The following SYT17 variants were observed in gnomAD, a reference collection of about 807,000 sequenced individuals.
The protein encoded by SYT17 is synaptotagmin 17.
Under a neutral mutation model 46.7 loss-of-function variants are expected in SYT17, and 22 were observed. That is an observed-to-expected ratio of 0.47 (90% CI 0.34 to 0.67). The LOEUF (loss-of-function observed/expected upper bound fraction) is 0.67. Ranked by LOEUF, SYT17 falls within the 30% of genes least tolerant of loss-of-function variation. SYT17 has a pLI of 0.01. For synonymous variants in SYT17, 251 were observed against 248.4 expected, an observed-to-expected ratio of 1.01 and a Z score of -0.10; for missense variants, 519 against 612.8, an observed-to-expected ratio of 0.85 and a Z score of 1.62.
intron 7 of SYT17, among the ~76,000 whole-genome samples, chr16:19,249,705 G>A (rs979857017): frequency 1.3e-5 from 2 of 152,180 alleles, no homozygotes; most frequent in African/African-American, 4.8e-5. Flanking sequence ...GATCCAGTGT[G>A]CTCATTGGTA....
At chr16:19,225,285 G>A (rs74687618) in intron 7 of SYT17, among the ~76,000 whole-genome samples, 1,732 of 152,142 alleles carry the variant, frequency 0.011, 32 homozygotes, top group African/African-American at 0.04. Flanking sequence ...CAAATAGAGA[G>A]GCATATGAAA....
intron 7 of SYT17, among the ~76,000 whole-genome samples, chr16:19,261,616 T>C (rs1032495801): frequency 6.6e-6 from 1 of 152,262 alleles, no homozygotes; most frequent in African/African-American, 2.4e-5. Flanking sequence ...TACATACTTA[T>C]TGATACAGAA....
intron 5 of SYT17, among the ~76,000 whole-genome samples, chr16:19,215,838 C>T (rs535638482): frequency 6.6e-6 from 1 of 152,316 alleles, no homozygotes; most frequent in East Asian, 1.9e-4. Flanking sequence ...ACTTACAATT[C>T]CACGTGGCTG....
At chr16:19,220,303 C>CTTTCTTTCTTTTT (rs776097400) in intron 5 of SYT17, among the ~76,000 whole-genome samples, 2 of 80,514 alleles carry the variant, frequency 2.5e-5, no homozygotes, top group Non-Finnish European at 4.4e-5. Flanking sequence ...TTCTTTCTTT[C>CTTTCTTTCTTTTT]TTTTTTTTTT....
chr16:19,255,256 A>G (rs1316943992), intron 7 of SYT17, among the ~76,000 whole-genome samples: 1 of 151,732 alleles, frequency 6.6e-6, no homozygotes, highest in East Asian at 1.9e-4. Flanking sequence ...AATGAAGGGA[A>G]CTCCCATCGT....
intron 5 of SYT17, among the ~76,000 whole-genome samples, chr16:19,188,513 CAAAAAAAA>C (rs61202540): frequency 9.3e-5 from 6 of 64,586 alleles, no homozygotes; most frequent in South Asian, 1.5e-3. Flanking sequence ...TTCAGTTCTG[CAAAAAAAA>C]AAAAAAAAAA....
At chr16:19,240,976 C>A (rs1191756616) in intron 7 of SYT17, among the ~76,000 whole-genome samples, 1 of 125,394 alleles carries the variant, frequency 8.0e-6, no homozygotes. Context: ...GAGACGGAGT[C>A]TCGCTCTGTC....
intron 5 of SYT17, among the ~76,000 whole-genome samples, chr16:19,210,765 C>T (rs764821408): frequency 7.2e-5 from 11 of 152,084 alleles, no homozygotes; most frequent in South Asian, 4.1e-4. Context: ...TTTATCCAAC[C>T]GGTGAGAGCA....
rs1969486627 is a variant in SYT17 at position 19,268,120 on chromosome 16, C to T, written c.*1044C>T. 6.6e-6 allele frequency: 1 copy of T among 152,148 alleles called. No individual in the cohort carries two copies. The allele number at this position is 152,148 out of a possible 1,614,324, so 9.4% of individuals were successfully genotyped here. A position where few individuals can be genotyped will look rare whatever the true frequency, so the allele number is the denominator to read the frequency against. On this transcript the variant is annotated 3_prime_UTR_variant, in exon 8 of 8. Transcript: ENST00000355377. ...ATGATGATCTTCTTCCTTAATCATA[C>T]TCTGAGGATCTTTCTGTGTTTTTCT...
intron 5 of SYT17, among the ~76,000 whole-genome samples, chr16:19,198,449 C>G (rs916905696): frequency 6.6e-6 from 1 of 152,186 alleles, no homozygotes; most frequent in African/African-American, 2.4e-5. Flanking sequence ...GGTAATTACT[C>G]AATGTCATTG....
In SYT17 at chr16:19,224,711, T is replaced by C. The variant is rs373690785; in HGVS notation, c.1101T>C (p.His367=). 1.4e-4 allele frequency: 226 copies of C among 1,614,010 alleles called. No homozygotes were observed. The highest frequency in any genetic ancestry group is 3.0e-4 in the Admixed American group (18 of 59,992). ...SDPFVKIQLV[H]GLKLVKTKKT... is the part of the protein sequence containing the mutation. ...CCTTTGTGAAAATCCAGCTGGTGCATGGACTCAAACTTGTGAAAACCAAGA... is the reference window on the plus strand; with the variant it reads ...CCTTTGTGAAAATCCAGCTGGTGCACGGACTCAAACTTGTGAAAACCAAGA... The change falls in exon 7 of 8, where the codon CAT becomes CAC. Residue 367 remains histidine, a synonymous_variant. Coordinates refer to ENST00000355377, the MANE Select transcript of SYT17 (RefSeq NM_016524.4).
At position 19,212,228 on chromosome 16, in the gene SYT17, T is replaced by C. The variant is rs1965931539; in HGVS notation, c.952-10817T>C. 1.3e-5 allele frequency among the ~76,000 whole-genome samples: 2 copies of C among 152,146 alleles called. 1 individual carries two copies. The highest frequency in any genetic ancestry group is 3.9e-4 in the East Asian group (2 of 5,178). Reference sequence around the variant, plus strand: ...ACAGGACAGCTCCCACAACACAGAATGCTCCAGCCCAAAGTGGCAATAGTG... The same window carrying C: ...ACAGGACAGCTCCCACAACACAGAACGCTCCAGCCCAAAGTGGCAATAGTG... On this transcript the variant is annotated intron_variant, in intron 5 of 7. Transcript: ENST00000355377.
Position 19,168,771 on chromosome 16 carries a change from G to T in SYT17, c.15+110G>T, listed in dbSNP as rs1469629776. The T allele has an allele frequency of 2.2e-6, 3 of 1,339,294 alleles. No homozygotes were observed. The highest frequency in any genetic ancestry group is 3.0e-6 in the Non-Finnish European group (3 of 1,016,508). The allele number at this position is 1,339,294 out of a possible 1,614,324, so 83.0% of individuals were successfully genotyped here. On this transcript the variant is annotated intron_variant, in intron 1 of 7. Transcript: ENST00000355377. The surrounding 1 kb of genome is among the most constrained non-coding windows in gnomAD (Gnocchi z 6.9). ...CCCACGGCTAGGCTCCCACAAACTT[G>T]CTTCGAGAAAAAGGGTGCCCGTGCG...
chr16:19,251,533 C>A (rs2142995645), intron 7 of SYT17, among the ~76,000 whole-genome samples: 1 of 152,292 alleles, frequency 6.6e-6, no homozygotes, highest in South Asian at 2.1e-4. Flanking sequence ...TTTGTGCCCA[C>A]CATCCCACCA....
chr16:19,212,822 C>T (rs944898494), intron 5 of SYT17, among the ~76,000 whole-genome samples: 1 of 152,234 alleles, frequency 6.6e-6, no homozygotes, highest in South Asian at 2.1e-4. Flanking sequence ...AGGGCTGAAC[C>T]CACTTCCTAG....
Position 19,233,418 on chromosome 16 carries a change from G to A in SYT17, c.1228+8580G>A, listed in dbSNP as rs1488953314. On this transcript the variant is annotated intron_variant, in intron 7 of 7. Coordinates refer to ENST00000355377, the MANE Select transcript of SYT17 (RefSeq NM_016524.4). ...TATAATCCCAGTACTTTGGGAGGCC[G>A]AGGCAGGAGAATCACTTGAGTACAA... 2.6e-5 allele frequency among the ~76,000 whole-genome samples: 4 copies of A among 151,990 alleles called. No homozygotes were observed. In the East Asian group the frequency reaches 5.8e-4, roughly 22 times the overall value.
intron 5 of SYT17, among the ~76,000 whole-genome samples, chr16:19,185,543 C>T (rs997907439): frequency 4.0e-5 from 6 of 151,822 alleles, no homozygotes; most frequent in African/African-American, 1.2e-4. Flanking sequence ...GAGCTATGAT[C>T]GAGCCACTGC....
chr16:19,220,927 C>T (rs1221479492), intron 5 of SYT17, among the ~76,000 whole-genome samples: 4 of 151,914 alleles, frequency 2.6e-5, no homozygotes, highest in East Asian at 1.9e-4. Context: ...CATGATGGCT[C>T]ATGCCTGTTA....
intron 5 of SYT17, among the ~76,000 whole-genome samples, chr16:19,187,625 G>A (rs1964837894): frequency 1.3e-5 from 2 of 152,156 alleles, no homozygotes; most frequent in African/African-American, 4.8e-5. Context: ...TGGAGACTCT[G>A]ACTGAGGGAA....
Sources: gnomAD v4.1 joint callset for allele counts (sites outside exome capture counted in the v4.1 genomes callset) on GRCh38, gnomAD v4.1.1 for gene constraint, Gnocchi (gnomAD v3.1) non-coding constraint, MANE v1.5 for transcripts, NCBI Gene and HGNC (gene_info 2026-07-23, HGNC 2026-07-21) for gene names.